The following SLC26A1 variants were observed in gnomAD, a reference collection of about 807,000 sequenced individuals.
The protein encoded by SLC26A1 is sulfate anion transporter 1.
A neutral mutation model predicts 14.5 loss-of-function variants in SLC26A1; 18 were observed. The observed-to-expected ratio is 1.24, with a 90% CI of 0.86 to 1.84. SLC26A1 has a LOEUF of 1.84. Ranked by LOEUF, SLC26A1 falls within the 40% of genes most tolerant of loss-of-function variation. The pLI, the probability that SLC26A1 is intolerant of heterozygous loss-of-function variation, is 0.00. For missense variants in SLC26A1, 1,049 were observed against 1,020.0 expected (o/e 1.03, Z -0.39); for synonymous variants, 505 against 492.0 (o/e 1.03, Z -0.35).
chr4:987,984 C>T lies in SLC26A1; in HGVS notation c.*849G>A. 6.5e-7 allele frequency: 1 copy of T among 1,542,600 alleles called. No homozygotes were observed. Among genetic ancestry groups the T allele is most frequent in the South Asian group, 1.2e-5 (1 of 83,854 alleles). Reference sequence around the variant, plus strand: ...GGGCAGGGTCTGGGCGTCCCAGAGCCCCTTACAGAGGCACAGATGGGAGGG... The same window carrying T: ...GGGCAGGGTCTGGGCGTCCCAGAGCTCCTTACAGAGGCACAGATGGGAGGG... On this transcript the variant is annotated 3_prime_UTR_variant, in exon 3 of 3. Transcript: ENST00000398516.
At chr4:983,013 G>T (rs1713593356), downstream of SLC26A1, among the ~76,000 whole-genome samples, 1 of 152,254 alleles carries the variant, frequency 6.6e-6, no homozygotes, top group African/African-American at 2.4e-5. Flanking sequence ...TGAGGCGACA[G>T]GCGCGGGCCT....
rs35935555 is a variant in SLC26A1 at position 989,262 on chromosome 4, G to A, written c.1677C>T (p.Tyr559=). The change falls in exon 3 of 3, where the codon TAC becomes TAT. Residue 559 remains tyrosine, a synonymous_variant. Transcript: ENST00000398516. ...ANKDFFLQSL[Y]SLTGLDAGCM... ...ACCCTGCGTCCAGCCCCGTGAGGCT[G>A]TAGAGTGACTGCAGGAAGAAGTCCT... 6.7e-4 allele frequency: 1,081 copies of A among 1,612,656 alleles called. 9 individuals are homozygous for A. The African/African-American group carries it at 0.013, about 19-fold the overall frequency.
downstream of SLC26A1, among the ~76,000 whole-genome samples, chr4:985,033 C>T (rs772164386): frequency 1.3e-5 from 2 of 152,204 alleles, no homozygotes; most frequent in African/African-American, 2.4e-5. Context: ...ACAGGTGTCC[C>T]GGTGAGCGGC....
chr4:991,272 G>A lies in SLC26A1; in HGVS notation c.432C>T (p.Ala144=), dbSNP rs143284684. 213 of 1,612,672 alleles carry A rather than the reference G, an allele frequency of 1.3e-4. 1 individual carries two copies. Among genetic ancestry groups the A allele is most frequent in the Admixed American group, 5.7e-4 (34 of 60,016 alleles). ...GGCCGTCCTGGGAGGGGTCAAAGCC[G>A]GCCAGCTGGAGCTCCCGGTCCACCA... ...GQVVDRELQL[A]GFDPSQDGLQ... Residue 144 remains alanine (A), a synonymous_variant, in exon 2 of 3, where the codon GCC becomes GCT. Coordinates refer to ENST00000398516, the MANE Select transcript of SLC26A1 (RefSeq NM_022042.4).
chr4:985,247 C>A (rs867895412), downstream of SLC26A1, among the ~76,000 whole-genome samples: 3 of 152,262 alleles, frequency 2.0e-5, no homozygotes, highest in East Asian at 5.8e-4. Flanking sequence ...AGCAGCGTGT[C>A]GCCATGTCTT....
rs1168039020 is a variant in SLC26A1, at chr4:990,219, C to G, written c.720G>C (p.Gln240His). The G allele has an allele frequency of 1.3e-6, 2 of 1,567,108 alleles. No homozygotes were observed. Among genetic ancestry groups the G allele is most frequent in the Admixed American group, 3.8e-5 (2 of 52,024 alleles). The change falls in exon 3 of 3, where the codon CAG (glutamine) becomes CAC (histidine). Residue 240 changes from glutamine to histidine, a missense_variant. By Grantham distance (24) the Gln-to-His change is conservative. Coordinates refer to ENST00000398516, the MANE Select transcript of SLC26A1 (RefSeq NM_022042.4). ...HLLGVRIPRH[Q>H]GPGMVVLTWL... ...ATGTGAGGACCACCATGCCGGGCCC[C>G]TGGTGCCGCGGGATCCGCACGCCCA...
chr4:989,610 G>A lies in SLC26A1; in HGVS notation c.1329C>T (p.Ala443=), dbSNP rs1396066432. ...LFHDLQRSVL[A]CVIVVSLRGA... ...CCCGCAGGCTGACCACGATGACGCA[G>A]GCCAGCACGCTTCGCTGTAGGTCGT... Residue 443 remains alanine (A), a synonymous_variant, in exon 3 of 3, where the codon GCC becomes GCT. Transcript: ENST00000398516. 4 of 1,602,392 alleles carry A rather than the reference G, an allele frequency of 2.5e-6. No homozygotes were observed. The highest frequency in any genetic ancestry group is 1.3e-5 in the African/African-American group (1 of 74,844).
chr4:987,041 G>T, downstream of SLC26A1: 1 of 1,410,494 alleles, frequency 7.1e-7, no homozygotes, highest in South Asian at 1.2e-5. Context: ...AGGCGGAACC[G>T]GCAGTGCAGC....
rs755526832 is a variant in SLC26A1, at chr4:991,496, C to A, written c.208G>T (p.Ala70Ser). The change falls in exon 2 of 3, where the codon GCA becomes TCA. Residue 70 changes from alanine to serine, a missense_variant. Transcript: ENST00000398516. Reference protein sequence around the residue: ...LRQYRPREYLAGDVMSGLVIG... With the variant: ...LRQYRPREYLSGDVMSGLVIG... Reference sequence around the variant, plus strand: ...ACCAGCCCAGACATGACGTCGCCTGCCAGGTACTCCCGCGGGCGGTACTGA... The same window carrying A: ...ACCAGCCCAGACATGACGTCGCCTGACAGGTACTCCCGCGGGCGGTACTGA... 2 of 1,610,126 alleles carry A rather than the reference C, an allele frequency of 1.2e-6. No individual in the cohort carries two copies. Among genetic ancestry groups the A allele is most frequent in the Non-Finnish European group, 1.7e-6 (2 of 1,177,912 alleles).
rs781251989 is a variant in SLC26A1 at position 989,747 on chromosome 4, C to T, written c.1192G>A (p.Ala398Thr). The T allele has an allele frequency of 1.4e-5, 22 of 1,557,028 alleles. No homozygotes were observed. The highest frequency in any genetic ancestry group is 1.1e-4 in the South Asian group (9 of 84,584). The change falls in exon 3 of 3, where the codon GCC becomes ACC. Residue 398 changes from alanine to threonine, a missense_variant. By Grantham distance (58) the Ala-to-Thr change is moderately conservative. Coordinates refer to ENST00000398516, the MANE Select transcript of SLC26A1 (RefSeq NM_022042.4). ...AFLHCFATSAALAKSLVKTAT... is the reference protein window; with the variant it reads ...AFLHCFATSATLAKSLVKTAT... ...GTCTTCACCAGGCTCTTGGCCAGGG[C>T]GGCGCTGGTGGCGAAGCAGTGGAGG...
rs113951266 is a variant in SLC26A1 at position 989,208 on chromosome 4, G to A, written c.1731C>T (p.Gly577=). ...CTCCCTCACCGACCCCCGTCTCTGA[G>A]CCCCCCTCCTTCCTCCTGGCAGCCA... ...GCMAARRKEG[G]SETGVGEGGP... The change falls in exon 3 of 3, where the codon GGC becomes GGT. Residue 577 remains glycine, a synonymous_variant. Coordinates refer to ENST00000398516, the MANE Select transcript of SLC26A1 (RefSeq NM_022042.4). 4.2e-5 allele frequency: 68 copies of A among 1,609,346 alleles called. No individual in the cohort carries two copies. Among genetic ancestry groups the A allele is most frequent in the Middle Eastern group, 1.6e-4 (1 of 6,074 alleles).
At position 991,796 on chromosome 4, in the gene SLC26A1, G is replaced by A. The variant is rs564538689; in HGVS notation, c.-27-66C>T. 137 of 1,530,506 alleles carry A rather than the reference G, an allele frequency of 9.0e-5. No homozygotes were observed. The African/African-American group carries it at 1.6e-3, about 18-fold the overall frequency. The allele number at this position is 1,530,506 out of a possible 1,614,324, so 94.8% of individuals were successfully genotyped here. On this transcript the variant is annotated intron_variant, in intron 1 of 2. Coordinates refer to ENST00000398516, the MANE Select transcript of SLC26A1 (RefSeq NM_022042.4). ...TCCAGGGCCAAACGACAAGGTCCCC[G>A]GCAGCAACGGGCCCCTTGGGGCGGA...
At chr4:992,240 C>T (rs778878771) in intron 1 of SLC26A1, 64 of 456,846 alleles carry the variant, frequency 1.4e-4, no homozygotes, top group Non-Finnish European at 2.4e-4. Context: ...GGTTGGCAAA[C>T]GGTCCTGCTG....
At position 989,357 on chromosome 4, in the gene SLC26A1, A is replaced by T; in HGVS notation, c.1582T>A (p.Phe528Ile). The part of the protein sequence containing the change: ...DTAFYEDATE[F>I]EGLVPEPGVR... ...CCGGGCTCAGGGACGAGGCCCTCGA[A>T]CTCTGTGGCATCCTCGTAGAAGGCC... is the stretch of plus-strand genomic sequence containing the variant. Residue 528 changes from phenylalanine to isoleucine, a missense_variant, in exon 3 of 3, where the codon TTC becomes ATC. Phe to Ile is a conservative substitution (Grantham distance 21). Coordinates refer to ENST00000398516, the MANE Select transcript of SLC26A1 (RefSeq NM_022042.4). The T allele has an allele frequency of 1.3e-6, 2 of 1,594,774 alleles. No individual in the cohort carries two copies. The highest frequency in any genetic ancestry group is 2.3e-5 in the South Asian group (2 of 88,614).
downstream of SLC26A1, chr4:987,276 C>T: frequency 2.0e-6 from 3 of 1,508,522 alleles, no homozygotes; most frequent in Non-Finnish European, 2.6e-6. Context: ...ACCCCCTGGC[C>T]GCACGGGGAG....
downstream of SLC26A1, among the ~76,000 whole-genome samples, chr4:986,365 C>G (rs1713728982): frequency 6.6e-6 from 1 of 152,164 alleles, no homozygotes; most frequent in Non-Finnish European, 1.5e-5. Flanking sequence ...TGCAGGTGCT[C>G]AAGTACTTGA....
At chr4:985,913 GTTCTTTTT>G (rs1367457699), downstream of SLC26A1, among the ~76,000 whole-genome samples, 1 of 152,070 alleles carries the variant, frequency 6.6e-6, no homozygotes, top group Non-Finnish European at 1.5e-5. Context: ...TTAGTAGACT[GTTCTTTTT>G]TTCTTTTCTT....
rs1018454122 is a variant in SLC26A1, at chr4:980,147, G to A, written c.577-643C>T. ...AGCGACTTCCCTGGGCCCTGGGCTC[G>A]GCAGCCCCTGGTCGGCCAGGACCTC... On this transcript the variant is annotated intron_variant, in intron 2 of 2. Coordinates refer to the SLC26A1 transcript ENST00000398520. Among the ~76,000 whole-genome samples, 8 of 152,144 alleles carry A rather than the reference G, an allele frequency of 5.3e-5. No individual in the cohort carries two copies. The South Asian group carries it at 6.2e-4, about 12-fold the overall frequency.
At chr4:992,280 C>G (rs746490656) in intron 1 of SLC26A1, 3 of 443,306 alleles carry the variant, frequency 6.8e-6, no homozygotes, top group South Asian at 4.7e-5. Flanking sequence ...AGAGCCCTCC[C>G]TCCCCCATCC....
Sources: allele counts gnomAD v4.1 joint callset (sites outside exome capture counted in the v4.1 genomes callset), GRCh38; gene constraint gnomAD v4.1.1; transcripts MANE v1.5; gene names NCBI Gene and HGNC (gene_info 2026-07-23, HGNC 2026-07-21).